Variants in FANCD2 observed in about 807,000 individuals in gnomAD.
FANCD2 encodes the protein FA complementation group D2, also known as Fanconi anemia group D2 protein.
Under a neutral mutation model 192.3 loss-of-function variants are expected in FANCD2, and 131 were observed. That is an observed-to-expected ratio of 0.68 (90% CI 0.59 to 0.79). The LOEUF (loss-of-function observed/expected upper bound fraction) is 0.79. FANCD2 is among the 30% of genes least tolerant of loss of function. The pLI is 0.00. For missense variants in FANCD2, 1,508 were observed against 1,701.6 expected (o/e 0.89, Z 2.00); for synonymous variants, 524 against 612.5 (o/e 0.86, Z 2.13).
intron 25 of FANCD2, 31 bp downstream of exon 25, chr3:10,066,010 T>G: frequency 7.4e-7 from 1 of 1,356,472 alleles, no homozygotes; most frequent in African/African-American, 1.4e-5. Flanking sequence ...GTTTCACTTA[T>G]TGTGCATAGT....
In FANCD2 at chr3:10,039,310, C is replaced by T; in HGVS notation, c.523C>T (p.Leu175Phe). The T allele has an allele frequency of 1.2e-6, 2 of 1,613,932 alleles. No individual in the cohort carries two copies. Among genetic ancestry groups the T allele is most frequent in the Non-Finnish European group, 1.7e-6 (2 of 1,179,856 alleles). Residue 175 changes from leucine (L) to phenylalanine (F), a missense_variant, in exon 8 of 44, where the codon CTC (leucine) becomes TTC (phenylalanine). Around this residue, in one of 5 missense-constraint regions of FANCD2, gnomAD observed 435 missense variants for 421.9 expected, o/e 1.03. Coordinates refer to ENST00000675286, the MANE Select transcript of FANCD2 (RefSeq NM_001018115.3). ...KNSDEINIPR[L>F]IVSQLKWLDR... ...CAGTGATGAAATCAACATACCTCGA[C>T]TCATTGTCAGTCAACTAAAATGGCT...
At chr3:10,081,273 C>T (rs1428305600) in intron 31 of FANCD2, 45 bp downstream of exon 31, 1 of 1,613,784 alleles carries the variant, frequency 6.2e-7, no homozygotes, top group Non-Finnish European at 8.5e-7. Flanking sequence ...TATGAGGTTT[C>T]ATTTTTGGCT....
Position 10,038,579 on chromosome 3 carries a change from CTTTT to C in FANCD2, c.492-685_492-682del, listed in dbSNP as rs573306335. ...ATGTTCCCTTAGCAATATATGCTTGCTTTTTTTTTTTTTTTTTTGAGACAGAGTC... is the reference window on the plus strand; with the variant it reads ...ATGTTCCCTTAGCAATATATGCTTGCTTTTTTTTTTTTTTGAGACAGAGTC... On this transcript the variant is annotated intron_variant, in intron 7 of 43. Transcript: ENST00000675286. Among the ~76,000 whole-genome samples, 501 of 128,928 alleles carry C rather than the reference CTTTT, an allele frequency of 3.9e-3. 3 individuals carry two copies. Among genetic ancestry groups the C allele is most frequent in the Admixed American group, 0.01 (134 of 12,892 alleles). 84.6% of individuals were successfully genotyped at this position (128,928 alleles called of 152,430 possible).
intron 32 of FANCD2, among the ~76,000 whole-genome samples, chr3:10,084,644 A>G (rs1351844328): frequency 2.6e-5 from 4 of 152,188 alleles, no homozygotes; most frequent in East Asian, 3.8e-4. Context: ...TACATCAACT[A>G]TATCTCATTG....
rs55932659 is a variant in FANCD2 at position 10,034,641 on chromosome 3, A to G, written c.274-54A>G. On this transcript the variant is annotated intron_variant, in intron 4 of 43. Coordinates refer to ENST00000675286, the MANE Select transcript of FANCD2 (RefSeq NM_001018115.3). ...TGAGTGGGCTAGAATGATTTTTAACAGCAAATATTAAACTAAAAATTTTAT... is the reference window on the plus strand; with the variant it reads ...TGAGTGGGCTAGAATGATTTTTAACGGCAAATATTAAACTAAAAATTTTAT... The G allele has an allele frequency of 1.3e-4, 196 of 1,514,840 alleles. No individual in the cohort carries two copies. In the East Asian group the frequency reaches 3.9e-3, roughly 30 times the overall value. 93.8% of individuals were successfully genotyped at this position (1,514,840 alleles called of 1,614,324 possible).
At chr3:10,060,441 A>G in intron 19 of FANCD2, 38 bp downstream of exon 19, 1 of 1,477,120 alleles carries the variant, frequency 6.8e-7, no homozygotes, top group Non-Finnish European at 9.5e-7. Flanking sequence ...GTTTAAGATC[A>G]GTTAATCTTG....
chr3:10,071,993 CA>C (rs1344046103), intron 26 of FANCD2, among the ~76,000 whole-genome samples: 1 of 152,170 alleles, frequency 6.6e-6, no homozygotes, highest in East Asian at 1.9e-4. Context: ...CTCCTGACCT[CA>C]AGTGATCCAC....
At chr3:10,036,232 A>G (rs2086728274) in intron 6 of FANCD2, 55 bp from the exon 7 acceptor site, 2 of 1,451,514 alleles carry the variant, frequency 1.4e-6, no homozygotes, top group South Asian at 2.3e-5. Context: ...GGGATTATAC[A>G]TTTCTATTGT....
chr3:10,068,150 AAG>A (rs1442256932), intron 26 of FANCD2, among the ~76,000 whole-genome samples: 1 of 152,166 alleles, frequency 6.6e-6, no homozygotes, highest in Non-Finnish European at 1.5e-5. Flanking sequence ...ACAATTAGAC[AAG>A]AGAGAGAAAG....
At chr3:10,089,477 A>ATTGTT (rs1206741118) in intron 36 of FANCD2, among the ~76,000 whole-genome samples, 1 of 151,268 alleles carries the variant, frequency 6.6e-6, no homozygotes, top group Non-Finnish European at 1.5e-5. Flanking sequence ...TTTGTTTTGT[A>ATTGTT]TTGTTTTGTT....
intron 1 of FANCD2, among the ~76,000 whole-genome samples, chr3:10,028,386 G>C (rs1452388253): frequency 6.6e-6 from 1 of 152,168 alleles, no homozygotes; most frequent in African/African-American, 2.4e-5. Context: ...AGAGTGATGG[G>C]TTTTATCCTT....
chr3:10,046,387 A>C (rs1320155060), intron 14 of FANCD2, 193 bp from the exon 15 acceptor site: 22 of 856,646 alleles, frequency 2.6e-5, no homozygotes, highest in Non-Finnish European at 3.9e-5. Context: ...AATGGTTAAC[A>C]GTTGTGGCAC....
intron 10 of FANCD2, 38 bp downstream of exon 10, chr3:10,041,748 T>G (rs771566720): frequency 7.0e-7 from 1 of 1,423,034 alleles, no homozygotes; most frequent in Non-Finnish European, 9.9e-7. Context: ...AGAGCCAGCT[T>G]TCCAACCTCC....
At chr3:10,032,175 G>GTTTTAATA (rs2086619915) in intron 2 of FANCD2, 1 of 225,236 alleles carries the variant, frequency 4.4e-6, no homozygotes, top group Admixed American at 5.7e-5. Flanking sequence ...GCTTCCCAGG[G>GTTTTAATA]ATTCCAGTAC....
chr3:10,030,038 C>T (rs989828798), intron 2 of FANCD2, among the ~76,000 whole-genome samples: 11 of 151,796 alleles, frequency 7.2e-5, no homozygotes, highest in Non-Finnish European at 1.6e-4. Flanking sequence ...CCATCCATCT[C>T]GGCCTCCCAA....
At chr3:10,072,256 C>T (rs1417613795) in intron 26 of FANCD2, among the ~76,000 whole-genome samples, 1 of 151,486 alleles carries the variant, frequency 6.6e-6, no homozygotes, top group Non-Finnish European at 1.5e-5. Flanking sequence ...CTCATGTGCG[C>T]CATAAATATA....
At chr3:10,074,251 A>G (rs1304906730) in intron 28 of FANCD2, among the ~76,000 whole-genome samples, 3 of 152,090 alleles carry the variant, frequency 2.0e-5, no homozygotes, top group Admixed American at 6.6e-5. Flanking sequence ...GCCAGCTCAC[A>G]GTTTTCTGTA....
intron 42 of FANCD2, among the ~76,000 whole-genome samples, chr3:10,097,726 T>TAA (rs1271054059): frequency 1.1e-4 from 17 of 152,308 alleles, no homozygotes; most frequent in African/African-American, 3.4e-4. Flanking sequence ...ATTAAGACAT[T>TAA]AAAGTAAAGA....
chr3:10,058,544 C>T (rs139084322), intron 18 of FANCD2, among the ~76,000 whole-genome samples: 38 of 152,184 alleles, frequency 2.5e-4, no homozygotes, highest in Non-Finnish European at 4.4e-4. Flanking sequence ...AAGGATTTAA[C>T]GTCATTCTTT....
Sources: allele counts gnomAD v4.1 joint callset (sites outside exome capture counted in the v4.1 genomes callset), GRCh38; gene constraint gnomAD v4.1.1; regional missense constraint gnomAD v4.1.1; transcripts MANE v1.5; gene names NCBI Gene and HGNC (gene_info 2026-07-23, HGNC 2026-07-21).